Variants in EBF4 observed in about 807,000 individuals in gnomAD.
EBF4 encodes the protein transcription factor COE4.
In EBF4, 34 loss-of-function variants were observed where a neutral mutation model predicts 67.1. The ratio of observed to expected loss-of-function variants is 0.51; its 90% CI spans 0.39 to 0.67. The LOEUF is 0.67. Ranked by LOEUF, EBF4 falls within the 30% of genes least tolerant of loss-of-function variation. The pLI is 0.00. For synonymous variants in EBF4, 387 were observed against 377.7 expected, an observed-to-expected ratio of 1.02 and a Z score of -0.29; for missense variants, 837 against 873.3, an observed-to-expected ratio of 0.96 and a Z score of 0.52.
intron 10 of EBF4, 78 bp downstream of exon 10, chr20:2,750,051 G>A: frequency 1.4e-6 from 2 of 1,470,734 alleles, no homozygotes; most frequent in Non-Finnish European, 1.8e-6. Context: ...TCCGTTCTTG[G>A]TGATAGGAGT....
At position 2,749,362 on chromosome 20, in the gene EBF4, C is replaced by A. The variant is rs775322269; in HGVS notation, c.640-39C>A. ...ACCACATTCCCCTCCCGGGAGCCCCCGAGGGCCCCAGCCAGGCTGGCCTCG... is the reference window on the plus strand; with the variant it reads ...ACCACATTCCCCTCCCGGGAGCCCCAGAGGGCCCCAGCCAGGCTGGCCTCG... On this transcript the variant is annotated intron_variant, in intron 7 of 16. Transcript: ENST00000609451. 2.0e-6 allele frequency: 3 copies of A among 1,480,268 alleles called. No individual in the cohort carries two copies. In the South Asian group the frequency reaches 3.8e-5, roughly 19 times the overall value. The allele number at this position is 1,480,268 out of a possible 1,614,324, so 91.7% of individuals were successfully genotyped here.
At chr20:2,708,822 C>T (rs1040644038) in intron 5 of EBF4, among the ~76,000 whole-genome samples, 3 of 152,206 alleles carry the variant, frequency 2.0e-5, no homozygotes, top group Admixed American at 2.0e-4. Flanking sequence ...GAGGCATGAC[C>T]GGCATCTGGG....
intron 6 of EBF4, among the ~76,000 whole-genome samples, chr20:2,724,302 C>G (rs1410957973): frequency 2.0e-5 from 3 of 152,166 alleles, no homozygotes; most frequent in African/African-American, 7.2e-5. Flanking sequence ...CACACCTGCC[C>G]TATTTTTTAA....
exon 14 of EBF4, chr20:2,752,473 G>A: frequency 7.9e-7 from 1 of 1,265,778 alleles, no homozygotes; most frequent in Non-Finnish European, 9.9e-7. Context: ...CGGCGCGCCG[G>A]GCGTGGCCGG....
intron 6 of EBF4, among the ~76,000 whole-genome samples, chr20:2,712,059 G>C (rs1383061378): frequency 6.6e-6 from 1 of 152,186 alleles, no homozygotes; most frequent in African/African-American, 2.4e-5. Context: ...ATGATGTCAG[G>C]AATAATGAAT....
chr20:2,711,374 T>G (rs2087543269), intron 6 of EBF4, among the ~76,000 whole-genome samples: 1 of 152,180 alleles, frequency 6.6e-6, no homozygotes, highest in Non-Finnish European at 1.5e-5. Context: ...GACATTTTGG[T>G]TGTTTTCATC....
chr20:2,714,229 C>T (rs984205551), intron 6 of EBF4, among the ~76,000 whole-genome samples: 8 of 152,154 alleles, frequency 5.3e-5, no homozygotes, highest in African/African-American at 1.7e-4. Context: ...ATTTGTGTTT[C>T]CTTTACTGTG....
intron 6 of EBF4, among the ~76,000 whole-genome samples, chr20:2,721,192 A>G (rs1252706787): frequency 2.0e-5 from 3 of 146,352 alleles, no homozygotes; most frequent in African/African-American, 7.6e-5. Context: ...GGGGACTCCA[A>G]TTACTCACAT....
intron 1 of EBF4, among the ~76,000 whole-genome samples, chr20:2,700,926 A>T (rs16988052): frequency 0.11 from 16,858 of 152,212 alleles, 1,004 homozygotes; most frequent in Admixed American, 0.15. Context: ...TCTCTTGTTC[A>T]TAGGAAGTAT....
At chr20:2,743,220 T>G (rs1016694520) in intron 6 of EBF4, among the ~76,000 whole-genome samples, 1 of 152,192 alleles carries the variant, frequency 6.6e-6, no homozygotes, top group Non-Finnish European at 1.5e-5. Context: ...TCTCCTGGGT[T>G]GTTCTCACGT....
chr20:2,709,134 C>T (rs1321538207), intron 5 of EBF4, among the ~76,000 whole-genome samples: 1 of 152,148 alleles, frequency 6.6e-6, no homozygotes, highest in African/African-American at 2.4e-5. Flanking sequence ...TTGCAGTGAG[C>T]CAACATCACG....
At chr20:2,757,564 G>T (rs887888633) in intron 15 of EBF4, among the ~76,000 whole-genome samples, 4 of 152,230 alleles carry the variant, frequency 2.6e-5, no homozygotes, top group East Asian at 1.9e-4. Flanking sequence ...GGTTCTTAGT[G>T]GGGGAGGAAT....
chr20:2,732,907 A>C (rs2087833882), intron 6 of EBF4, among the ~76,000 whole-genome samples: 1 of 152,168 alleles, frequency 6.6e-6, no homozygotes, highest in Non-Finnish European at 1.5e-5. Context: ...ATTAGATAGG[A>C]AAACAAAATC....
At chr20:2,736,154 C>A (rs1219099297) in intron 6 of EBF4, among the ~76,000 whole-genome samples, 4 of 152,096 alleles carry the variant, frequency 2.6e-5, no homozygotes, top group African/African-American at 9.7e-5. Flanking sequence ...GCTTGATTGG[C>A]CAGGATGACC....
At chr20:2,708,820 A>G (rs553717682) in intron 5 of EBF4, among the ~76,000 whole-genome samples, 2 of 152,338 alleles carry the variant, frequency 1.3e-5, no homozygotes, top group African/African-American at 4.8e-5. Context: ...AAGAGGCATG[A>G]CCGGCATCTG....
rs1174338813 is a variant in EBF4 at position 2,707,741 on chromosome 20, C to T, written c.415-206C>T. 6.6e-6 allele frequency among the ~76,000 whole-genome samples: 1 copy of T among 152,158 alleles called. No homozygotes were observed. Among genetic ancestry groups the T allele is most frequent in the Non-Finnish European group, 1.5e-5 (1 of 68,016 alleles). Reference sequence around the variant, plus strand: ...ACAGACAGAATCTGCAGACTTCATACCATTCTTGCCAGCCGGTGGTGGTCC... The same window carrying T: ...ACAGACAGAATCTGCAGACTTCATATCATTCTTGCCAGCCGGTGGTGGTCC... On this transcript the variant is annotated intron_variant, in intron 4 of 16. Transcript: ENST00000609451. This position sits in a 1 kb window ranked among gnomAD's most constrained non-coding sequence, Gnocchi z 4.6.
exon 7 of EBF4, chr20:2,748,591 G>C (rs2088089323): frequency 7.7e-6 from 12 of 1,551,590 alleles, no homozygotes; most frequent in Non-Finnish European, 1.0e-5. Context: ...AGAACTGCCT[G>C]AAGAATGCGG....
rs2146521011 is a variant in EBF4, at chr20:2,755,827, G to A, written c.1738+3G>A. 1.3e-6 allele frequency: 2 copies of A among 1,545,732 alleles called. No homozygotes were observed. The highest frequency in any genetic ancestry group is 1.7e-6 in the Non-Finnish European group (2 of 1,146,638). On this transcript the variant is annotated splice_donor_region_variant and intron_variant, in intron 15 of 16. Coordinates refer to ENST00000609451, the Ensembl canonical transcript of EBF4. This position sits in a 1 kb window ranked among gnomAD's most constrained non-coding sequence, Gnocchi z 4.7. ...AGCCCACGGAGAGGGGCTTCCAGGTGAGTGATCCACCCTGCCTCACTGTGG... is the reference window on the plus strand; with the variant it reads ...AGCCCACGGAGAGGGGCTTCCAGGTAAGTGATCCACCCTGCCTCACTGTGG...
chr20:2,740,554 T>G (rs891851935), intron 6 of EBF4, among the ~76,000 whole-genome samples: 2 of 152,094 alleles, frequency 1.3e-5, no homozygotes, highest in African/African-American at 2.4e-5. Context: ...TCTTTGGAAG[T>G]GAGAACATAA....
Sources: gnomAD v4.1 joint callset for allele counts (sites outside exome capture counted in the v4.1 genomes callset) on GRCh38, gnomAD v4.1.1 for gene constraint, Gnocchi (gnomAD v3.1) non-coding constraint, MANE v1.5 for transcripts, NCBI Gene and HGNC (gene_info 2026-07-23, HGNC 2026-07-21) for gene names.